ASTN2: variants seen among roughly 807,000 people sequenced by gnomAD.
ASTN2 encodes the protein astrotactin-2.
Under a neutral mutation model 139.8 loss-of-function variants are expected in ASTN2, and 54 were observed. The observed-to-expected ratio is 0.39, with a 90% CI of 0.31 to 0.48. The LOEUF is 0.48. Ranked by LOEUF, ASTN2 falls within the 20% of genes least tolerant of loss-of-function variation. The pLI is 0.95. For missense variants in ASTN2, 1,565 were observed against 1,725.1 expected (o/e 0.91, Z 1.64); for synonymous variants, 756 against 719.5 (o/e 1.05, Z -0.81).
intron 20 of ASTN2, among the ~76,000 whole-genome samples, chr9:116,473,602 A>G (rs1015345251): frequency 2.0e-5 from 3 of 152,204 alleles, no homozygotes; most frequent in African/African-American, 7.2e-5. Context: ...GTTGGCAGAT[A>G]AAGACCTATT....
intron 13 of ASTN2, among the ~76,000 whole-genome samples, chr9:116,789,129 T>C (rs1473973950): frequency 2.6e-5 from 4 of 152,152 alleles, no homozygotes; most frequent in South Asian, 4.1e-4. Flanking sequence ...GGGATATCCT[T>C]TAGAGCAACT....
intron 19 of ASTN2, among the ~76,000 whole-genome samples, chr9:116,549,062 G>A (rs1194424579): frequency 6.6e-6 from 1 of 152,024 alleles, no homozygotes; most frequent in Non-Finnish European, 1.5e-5. Context: ...TTGTCTCATT[G>A]GACAGATGGG....
chr9:116,775,990 G>T (rs1403785476), intron 13 of ASTN2, among the ~76,000 whole-genome samples: 1 of 152,168 alleles, frequency 6.6e-6, no homozygotes, highest in Non-Finnish European at 1.5e-5. Context: ...CTCTACGTAT[G>T]ATTGTGCAGC....
At chr9:117,363,114 C>T (rs531933460) in intron 1 of ASTN2, among the ~76,000 whole-genome samples, 20 of 152,290 alleles carry the variant, frequency 1.3e-4, no homozygotes, top group African/African-American at 4.8e-4. Flanking sequence ...GCCCTGCCCA[C>T]ACCCTTCATT....
At chr9:116,721,046 G>A (rs1302812631) in intron 16 of ASTN2, among the ~76,000 whole-genome samples, 1 of 152,208 alleles carries the variant, frequency 6.6e-6, no homozygotes, top group Non-Finnish European at 1.5e-5. Flanking sequence ...TGGGAACACA[G>A]TAATCGAAGT....
intron 1 of ASTN2, among the ~76,000 whole-genome samples, chr9:117,412,687 G>C (rs1041018991): frequency 7.2e-5 from 11 of 152,162 alleles, no homozygotes; most frequent in African/African-American, 2.7e-4. Flanking sequence ...TGGGGGGCGG[G>C]AGGATTTCCA....
chr9:117,271,026 G>A (rs1834051046), intron 2 of ASTN2, among the ~76,000 whole-genome samples: 1 of 152,168 alleles, frequency 6.6e-6, no homozygotes, highest in African/African-American at 2.4e-5. Flanking sequence ...AGGAAGATGA[G>A]AAAATGTTAT....
chr9:116,958,807 G>A (rs975068496), intron 10 of ASTN2, among the ~76,000 whole-genome samples: 1 of 152,050 alleles, frequency 6.6e-6, no homozygotes, highest in African/African-American at 2.4e-5. Flanking sequence ...CAGAGAGTAC[G>A]ATATAGGATG....
chr9:116,516,199 A>T (rs1326023248), intron 19 of ASTN2, among the ~76,000 whole-genome samples: 1 of 152,166 alleles, frequency 6.6e-6, no homozygotes, highest in Non-Finnish European at 1.5e-5. Context: ...TGTATTGCAG[A>T]AATAAAGGTT....
intron 10 of ASTN2, among the ~76,000 whole-genome samples, chr9:116,947,960 A>G (rs1404425385): frequency 6.6e-6 from 1 of 152,204 alleles, no homozygotes; most frequent in Admixed American, 6.5e-5. Context: ...ATGTGCTCTC[A>G]GTTTTTCCAT....
intron 17 of ASTN2, among the ~76,000 whole-genome samples, chr9:116,644,315 T>C (rs1187555421): frequency 2.6e-5 from 4 of 152,180 alleles, no homozygotes; most frequent in Non-Finnish European, 5.9e-5. Context: ...CACATGACTC[T>C]TCCTAGAGCA....
At chr9:116,880,020 A>T (rs1833410737) in intron 10 of ASTN2, among the ~76,000 whole-genome samples, 1 of 152,230 alleles carries the variant, frequency 6.6e-6, no homozygotes, top group South Asian at 2.1e-4. Flanking sequence ...TCCTTTATTG[A>T]CATATTAAGT....
At chr9:117,152,707 G>C (rs1259623397) in intron 3 of ASTN2, among the ~76,000 whole-genome samples, 3 of 152,050 alleles carry the variant, frequency 2.0e-5, no homozygotes, top group Non-Finnish European at 4.4e-5. Context: ...TGGAAGAAAG[G>C]GGAGAACCCC....
chr9:117,148,312 C>T (rs1221194191), intron 3 of ASTN2, among the ~76,000 whole-genome samples: 4 of 152,098 alleles, frequency 2.6e-5, no homozygotes, highest in African/African-American at 9.7e-5. Flanking sequence ...TAATTATGTA[C>T]AAAAAATGTC....
At chr9:117,197,806 C>T (rs1455487419) in intron 3 of ASTN2, among the ~76,000 whole-genome samples, 3 of 152,050 alleles carry the variant, frequency 2.0e-5, no homozygotes, top group Admixed American at 6.5e-5. Context: ...GTCTTTATTT[C>T]ATGTTAATTA....
At chr9:116,593,766 C>G (rs1854462752) in intron 19 of ASTN2, among the ~76,000 whole-genome samples, 1 of 152,182 alleles carries the variant, frequency 6.6e-6, no homozygotes, top group Non-Finnish European at 1.5e-5. Context: ...TCTCCAGACA[C>G]CTTTCATTTC....
intron 16 of ASTN2, among the ~76,000 whole-genome samples, chr9:116,678,005 A>G (rs1859612425): frequency 6.6e-6 from 1 of 152,226 alleles, no homozygotes; most frequent in Non-Finnish European, 1.5e-5. Flanking sequence ...GCTTAGAAAA[A>G]TAAGCATTTA....
At chr9:117,140,327 C>T (rs771673429) in intron 4 of ASTN2, among the ~76,000 whole-genome samples, 5 of 151,936 alleles carry the variant, frequency 3.3e-5, no homozygotes, top group Non-Finnish European at 5.9e-5. Flanking sequence ...TGCTAGATAA[C>T]CACTGAAGCT....
intron 19 of ASTN2, among the ~76,000 whole-genome samples, chr9:116,551,798 A>G (rs148752449): frequency 1.3e-5 from 2 of 152,322 alleles, no homozygotes; most frequent in East Asian, 1.9e-4. Context: ...CAATAAGGCT[A>G]GAAAAGACAG....
Sources: gnomAD v4.1 joint callset for allele counts (sites outside exome capture counted in the v4.1 genomes callset) on GRCh38, gnomAD v4.1.1 for gene constraint, MANE v1.5 for transcripts, NCBI Gene and HGNC (gene_info 2026-07-23, HGNC 2026-07-21) for gene names.